Variants in FAM184A observed in about 807,000 individuals in gnomAD.
FAM184A encodes family with sequence similarity 184 member A.
FAM184A carries 99 observed loss-of-function variants against 143.8 expected under a neutral mutation model. The ratio of observed to expected loss-of-function variants is 0.69; its 90% CI spans 0.58 to 0.81. FAM184A has a LOEUF of 0.81. Among genes scored for constraint, FAM184A ranks in the 40% least tolerant of loss-of-function variants. The pLI is 0.00. For missense variants in FAM184A, 1,217 were observed against 1,310.5 expected (o/e 0.93, Z 1.10); for synonymous variants, 427 against 446.4 (o/e 0.96, Z 0.55).
chr6:119,023,074 G>A lies in FAM184A; in HGVS notation c.1021C>T (p.Gln341Ter). The A allele has an allele frequency of 6.2e-7, 1 of 1,613,980 alleles. No homozygotes were observed. The highest frequency in any genetic ancestry group is 8.5e-7 in the Non-Finnish European group (1 of 1,179,962). ...TCCTTGGCATCATCAAGCTGTTTTT[G>A]AAGAACCTAAGAAAGATTAAATAGC... is the stretch of plus-strand genomic sequence containing the variant. ...AIAENNVQVL[Q>*]KQLDDAKEGE... The change falls in exon 3 of 18, where the codon CAA becomes TAA. Residue 341 changes from glutamine to a stop codon, truncating the protein, a stop_gained. Transcript: ENST00000338891. LOFTEE classifies it high-confidence loss of function.
chr6:119,075,203 GA>G (rs569908232), intron 1 of FAM184A, among the ~76,000 whole-genome samples: 1 of 151,660 alleles, frequency 6.6e-6, no homozygotes, highest in Admixed American at 6.6e-5. Context: ...ATTCGAAGGA[GA>G]AAAAAAACTA....
At chr6:118,970,331 A>G (rs950163237) in intron 14 of FAM184A, among the ~76,000 whole-genome samples, 7 of 151,894 alleles carry the variant, frequency 4.6e-5, no homozygotes, top group Middle Eastern at 3.2e-3. Context: ...AATTGCCTTC[A>G]TAACTTATGT....
chr6:119,129,137 C>A (rs1789460100), intron 1 of FAM184A, among the ~76,000 whole-genome samples: 1 of 152,184 alleles, frequency 6.6e-6, no homozygotes, highest in Non-Finnish European at 1.5e-5. Context: ...GATGTCGCAC[C>A]TTTCCAGGTC....
chr6:119,054,305 C>A (rs1786878253), intron 1 of FAM184A, among the ~76,000 whole-genome samples: 1 of 152,136 alleles, frequency 6.6e-6, no homozygotes, highest in Non-Finnish European at 1.5e-5. Flanking sequence ...GCTGCTATAA[C>A]AAAAATACCA....
intron 17 of FAM184A, chr6:118,960,687 TA>T: frequency 8.8e-6 from 5 of 565,688 alleles, no homozygotes; most frequent in Non-Finnish European, 1.4e-5. Context: ...TTTCCCCCGT[TA>T]TTGATGTTAT....
At chr6:119,064,040 A>G (rs1035842567) in intron 1 of FAM184A, among the ~76,000 whole-genome samples, 1 of 152,112 alleles carries the variant, frequency 6.6e-6, no homozygotes, top group African/African-American at 2.4e-5. Flanking sequence ...GGATCTTGTT[A>G]TAACTTATCC....
At chr6:119,147,283 T>C (rs1772477436) in intron 1 of FAM184A, among the ~76,000 whole-genome samples, 1 of 145,958 alleles carries the variant, frequency 6.9e-6, no homozygotes. Context: ...ATCCTAGCTG[T>C]GGGTCTGATC....
In FAM184A at chr6:118,980,124, C is replaced by A; in HGVS notation, c.2301+14G>T. 1.2e-6 allele frequency: 2 copies of A among 1,605,650 alleles called. No individual in the cohort carries two copies. Among genetic ancestry groups the A allele is most frequent in the South Asian group, 1.1e-5 (1 of 90,816 alleles). ...AGTTGGGTTACATTTGAACGTATGT[C>A]ACATAAAACTTACTCTTTGCTCCTT... On this transcript the variant is annotated intron_variant, in intron 10 of 17. Transcript: ENST00000338891.
intron 1 of FAM184A, among the ~76,000 whole-genome samples, chr6:119,072,355 A>G (rs1413763854): frequency 6.6e-6 from 1 of 152,278 alleles, no homozygotes; most frequent in Non-Finnish European, 1.5e-5. Flanking sequence ...GCTACAATGT[A>G]ACAAAGAAAA....
intron 1 of FAM184A, among the ~76,000 whole-genome samples, chr6:119,142,563 C>T (rs1032335149): frequency 3.3e-5 from 5 of 152,156 alleles, no homozygotes; most frequent in African/African-American, 9.7e-5. Flanking sequence ...GATTTAACAT[C>T]GCGAGTCAAG....
Position 119,002,923 on chromosome 6 carries a change from C to G in FAM184A, c.2064G>C (p.Lys688Asn). The change falls in exon 9 of 18, where the codon AAG (lysine) becomes AAC (asparagine). Residue 688 changes from lysine to asparagine, a missense_variant. Lys to Asn is a moderately conservative substitution (Grantham distance 94, BLOSUM62 0). Transcript: ENST00000338891. ...CCTGGTTTAAGAGATCTTCTACTTT[C>G]TTCTGCCATGAATCTCTTGCTGCAT... is the stretch of plus-strand genomic sequence containing the variant. ...EKNAARDSWQ[K>N]KVEDLLNQIS... The G allele has an allele frequency of 1.2e-6, 2 of 1,611,446 alleles. No homozygotes were observed. The highest frequency in any genetic ancestry group is 1.7e-6 in the Non-Finnish European group (2 of 1,179,242).
At chr6:119,146,739 G>A (rs758976592) in intron 1 of FAM184A, among the ~76,000 whole-genome samples, 20 of 152,186 alleles carry the variant, frequency 1.3e-4, no homozygotes, top group Middle Eastern at 3.4e-3. Flanking sequence ...GTTGTTGGTC[G>A]ACATGTATCT....
chr6:118,995,995 T>C (rs1396205778), intron 9 of FAM184A, among the ~76,000 whole-genome samples: 1 of 152,226 alleles, frequency 6.6e-6, no homozygotes, highest in East Asian at 1.9e-4. Context: ...CCAGTATTCT[T>C]AACGCACACT....
rs1784812920 is a variant in FAM184A, at chr6:119,003,046, T to C, written c.1941A>G (p.Gln647=). The change falls in exon 9 of 18, where the codon CAA becomes CAG. Residue 647 remains glutamine, a synonymous_variant. Transcript: ENST00000338891. The part of the protein sequence containing the change: ...LEIKWTENLR[Q]ECSKLREELR... ...ACTCTTCACGAAGTTTAGAACACTC[T>C]TGTCTAAAATAAAACAACTGCATTT... is the stretch of plus-strand genomic sequence containing the variant. 2 of 1,595,264 alleles carry C rather than the reference T, an allele frequency of 1.3e-6. No individual in the cohort carries two copies. The highest frequency in any genetic ancestry group is 1.7e-6 in the Non-Finnish European group (2 of 1,174,738).
intron 1 of FAM184A, among the ~76,000 whole-genome samples, chr6:119,126,975 C>G (rs1789383469): frequency 6.6e-6 from 1 of 152,216 alleles, no homozygotes; most frequent in South Asian, 2.1e-4. Flanking sequence ...CCCCGATGTC[C>G]AGCTGTTTCT....
At chr6:119,063,704 C>T (rs1309915115) in intron 1 of FAM184A, among the ~76,000 whole-genome samples, 2 of 152,070 alleles carry the variant, frequency 1.3e-5, no homozygotes, top group Non-Finnish European at 2.9e-5. Context: ...GTAATAGTTG[C>T]TCCAAAGTGG....
At chr6:119,088,974 T>C (rs568726844) in intron 1 of FAM184A, among the ~76,000 whole-genome samples, 10 of 152,290 alleles carry the variant, frequency 6.6e-5, no homozygotes, top group African/African-American at 2.4e-4. Flanking sequence ...TCTTCATTTG[T>C]AAAATGAGGA....
chr6:119,028,474 G>C (rs1236640334), intron 1 of FAM184A, among the ~76,000 whole-genome samples: 1 of 152,188 alleles, frequency 6.6e-6, no homozygotes, highest in East Asian at 1.9e-4. Flanking sequence ...CAAGGTCGGA[G>C]AGTTGAGTTG....
chr6:119,125,345 G>A (rs1789329628), intron 1 of FAM184A, among the ~76,000 whole-genome samples: 1 of 152,104 alleles, frequency 6.6e-6, no homozygotes, highest in Admixed American at 6.5e-5. Flanking sequence ...GGCGTGGCTT[G>A]GCTCACTGCA....
Sources: gnomAD v4.1 joint callset for allele counts (sites outside exome capture counted in the v4.1 genomes callset) on GRCh38, gnomAD v4.1.1 for gene constraint, MANE v1.5 for transcripts, NCBI Gene and HGNC (gene_info 2026-07-23, HGNC 2026-07-21) for gene names.